Variants in ROBO2 observed in about 807,000 individuals in gnomAD.
The protein encoded by ROBO2 is roundabout guidance receptor 2, also known as roundabout homolog 2.
ROBO2 carries 53 observed loss-of-function variants against 160.8 expected under a neutral mutation model. That is an observed-to-expected ratio of 0.33 (90% CI 0.26 to 0.41). ROBO2 has a LOEUF of 0.41. Among genes scored for constraint, ROBO2 ranks in the 10% least tolerant of loss-of-function variants. The pLI, the probability that ROBO2 is intolerant of heterozygous loss-of-function variation, is 1.00. For synonymous variants in ROBO2, 664 were observed against 611.7 expected, an observed-to-expected ratio of 1.09 and a Z score of -1.26; for missense variants, 1,577 against 1,722.4, an observed-to-expected ratio of 0.92 and a Z score of 1.49.
chr3:76,953,820 ATG>A (rs112746282), intron 2 of ROBO2, among the ~76,000 whole-genome samples: 6,397 of 148,788 alleles, frequency 0.043, 396 homozygotes, highest in African/African-American at 0.14. Flanking sequence ...TCCTTTTTAA[ATG>A]TGTGTGTGTG....
rs1462424972 is a variant in ROBO2 at position 76,067,593 on chromosome 3, T to C, written c.109+129991T>C. Among the ~76,000 whole-genome samples, 4 of 152,272 alleles carry C rather than the reference T, an allele frequency of 2.6e-5. No homozygotes were observed. The East Asian group carries it at 7.7e-4, about 29-fold the overall frequency. On this transcript the variant is annotated intron_variant, in intron 2 of 26. Transcript: ENST00000487694. ...GAATCTCTTTTTTATATTATTCTTA[T>C]CCTGTAGCATTTATCTGTACTTGGT...
At chr3:76,402,993 C>G (rs919736115) in intron 2 of ROBO2, among the ~76,000 whole-genome samples, 1 of 151,510 alleles carries the variant, frequency 6.6e-6, no homozygotes, top group African/African-American at 2.4e-5. Flanking sequence ...GAGATTCTGA[C>G]AATTTTGGAG....
chr3:76,164,822 T>A (rs937251580), intron 2 of ROBO2, among the ~76,000 whole-genome samples: 1 of 151,242 alleles, frequency 6.6e-6, no homozygotes, highest in African/African-American at 2.4e-5. Flanking sequence ...AGTCACCAGC[T>A]GCATTAGCCC....
At chr3:76,630,220 G>A (rs2089943842) in intron 2 of ROBO2, among the ~76,000 whole-genome samples, 1 of 152,200 alleles carries the variant, frequency 6.6e-6, no homozygotes, top group African/African-American at 2.4e-5. Context: ...AGATGTGCAT[G>A]TTAGGTATCT....
intron 2 of ROBO2, among the ~76,000 whole-genome samples, chr3:76,402,208 G>C (rs2077869499): frequency 6.6e-6 from 1 of 151,276 alleles, no homozygotes; most frequent in Non-Finnish European, 1.5e-5. Flanking sequence ...TTTTAGCTTG[G>C]TCCTGAATTC....
chr3:77,592,248 G>A (rs2094198327), intron 17 of ROBO2, among the ~76,000 whole-genome samples: 1 of 152,072 alleles, frequency 6.6e-6, no homozygotes, highest in Admixed American at 6.6e-5. Context: ...TTTACATAAT[G>A]TGTGAAGTTT....
chr3:77,405,592 G>T (rs990674231), intron 2 of ROBO2, among the ~76,000 whole-genome samples: 6 of 151,604 alleles, frequency 4.0e-5, no homozygotes, highest in African/African-American at 1.2e-4. Flanking sequence ...ACTGAGTGTG[G>T]GATAAATATT....
rs60357417 is a variant in ROBO2, at chr3:77,374,169, C to CAA, written c.389-103212_389-103211dup. 3.8e-3 allele frequency among the ~76,000 whole-genome samples: 151 copies of CAA among 40,104 alleles called. 19 individuals carry two copies. Among genetic ancestry groups the CAA allele is most frequent in the African/African-American group, 0.014 (93 of 6,758 alleles). The allele number at this position is 40,104 out of a possible 152,430, so 26.3% of individuals were successfully genotyped here. A position where few individuals can be genotyped will look rare whatever the true frequency, so the allele number is the denominator to read the frequency against. ...CAGGCCGACAACAGCGAGACTCCAT[C>CAA]AAAAAAAAAAAAAAAAAAAAAAAAA... On this transcript the variant is annotated intron_variant, in intron 2 of 25. Coordinates refer to ENST00000461745, the Ensembl canonical transcript of ROBO2.
At chr3:76,802,432 G>T (rs898158839) in intron 2 of ROBO2, among the ~76,000 whole-genome samples, 3 of 152,092 alleles carry the variant, frequency 2.0e-5, no homozygotes, top group African/African-American at 7.2e-5. Context: ...ACCACTGTAA[G>T]ATACCACCTT....
chr3:76,433,311 C>G (rs1040826912), intron 2 of ROBO2, among the ~76,000 whole-genome samples: 11 of 152,102 alleles, frequency 7.2e-5, no homozygotes, highest in Middle Eastern at 3.4e-3. Flanking sequence ...TGCAGTATGT[C>G]CAGTTGAATA....
intron 2 of ROBO2, among the ~76,000 whole-genome samples, chr3:76,938,529 C>T (rs1310330650): frequency 1.3e-5 from 2 of 152,140 alleles, no homozygotes; most frequent in Non-Finnish European, 2.9e-5. Context: ...CTCTCTCTCT[C>T]TCTGAGCTTT....
intron 2 of ROBO2, among the ~76,000 whole-genome samples, chr3:76,208,405 G>T (rs1357071425): frequency 6.6e-6 from 1 of 152,036 alleles, no homozygotes; most frequent in Non-Finnish European, 1.5e-5. Context: ...TTATATGCTT[G>T]AGTAACTTAT....
intron 2 of ROBO2, among the ~76,000 whole-genome samples, chr3:76,465,144 G>A (rs985894077): frequency 2.0e-5 from 3 of 151,974 alleles, no homozygotes; most frequent in South Asian, 2.1e-4. Context: ...TTGTTGAGGC[G>A]TAAGAACAAA....
At chr3:76,154,632 T>A (rs2072334481) in intron 2 of ROBO2, among the ~76,000 whole-genome samples, 1 of 152,122 alleles carries the variant, frequency 6.6e-6, no homozygotes, top group African/African-American at 2.4e-5. Context: ...TATATTTGAT[T>A]ACATTTTTTC....
Position 77,571,183 on chromosome 3 carries a change from G to T in ROBO2, c.1971+2749G>T, listed in dbSNP as rs2093628823. ...AGTGCTTCGACAAACTAGAATTTCA[G>T]AAGTCTGCTAAAACCAGATCAGACC... On this transcript the variant is annotated intron_variant, in intron 13 of 25. Coordinates refer to ENST00000461745, the Ensembl canonical transcript of ROBO2. Among the ~76,000 whole-genome samples the T allele has an allele frequency of 2.0e-5, 3 of 152,080 alleles. No individual in the cohort carries two copies. In the South Asian group the frequency reaches 6.2e-4, roughly 32 times the overall value.
intron 2 of ROBO2, among the ~76,000 whole-genome samples, chr3:76,021,040 A>G (rs1200077060): frequency 2.0e-5 from 3 of 151,638 alleles, no homozygotes; most frequent in Non-Finnish European, 4.4e-5. Flanking sequence ...CTCAGTGTTC[A>G]TTTTATTACC....
intron 5 of ROBO2, among the ~76,000 whole-genome samples, chr3:77,493,655 C>G (rs896946405): frequency 6.6e-6 from 1 of 152,228 alleles, no homozygotes; most frequent in Admixed American, 6.5e-5. Context: ...GCCTTCTTTC[C>G]CCTGGACCCT....
intron 2 of ROBO2, among the ~76,000 whole-genome samples, chr3:76,104,774 T>C (rs1437385405): frequency 1.3e-5 from 2 of 152,204 alleles, no homozygotes; most frequent in Admixed American, 1.3e-4. Flanking sequence ...TGTTAATTGT[T>C]CATGTCTACT....
At chr3:77,549,101 GT>G (rs1329202880) in intron 7 of ROBO2, among the ~76,000 whole-genome samples, 3 of 151,826 alleles carry the variant, frequency 2.0e-5, no homozygotes, top group Non-Finnish European at 4.4e-5. Flanking sequence ...GAAGTTCCCG[GT>G]TTTTGCTTGT....
Sources: gnomAD v4.1 joint callset for allele counts (sites outside exome capture counted in the v4.1 genomes callset) on GRCh38, gnomAD v4.1.1 for gene constraint, MANE v1.5 for transcripts, NCBI Gene and HGNC (gene_info 2026-07-23, HGNC 2026-07-21) for gene names.